PTCHD1: variants seen among roughly 807,000 people sequenced by gnomAD.
The protein encoded by PTCHD1 is patched domain containing 1.
PTCHD1 carries 3 observed loss-of-function variants against 34.6 expected under a neutral mutation model. The observed-to-expected ratio is 0.09, with a 90% confidence interval of 0.04 to 0.22. The LOEUF is 0.22. Ranked by LOEUF, PTCHD1 falls within the 10% of genes least tolerant of loss-of-function variation. PTCHD1 has a pLI of 1.00. For synonymous variants in PTCHD1, 305 were observed against 283.1 expected (o/e 1.08, Z -0.77); for missense variants, 504 against 685.5 (o/e 0.74, Z 2.96).
At chrX:23,357,378 C>A (rs555346565) in intron 1 of PTCHD1, among the ~76,000 whole-genome samples, 2 of 111,470 alleles carry the variant, frequency 1.8e-5, no homozygotes, top group African/African-American at 3.3e-5. Flanking sequence ...TTAAAAAGAC[C>A]GGCAGTACTG....
chrX:23,361,155 T>A (rs1490184414), intron 1 of PTCHD1, among the ~76,000 whole-genome samples: 1 of 111,676 alleles, frequency 9.0e-6, no homozygotes, highest in Non-Finnish European at 1.9e-5. Context: ...TCTGTAGGTG[T>A]CTGTTAGGTC....
At chrX:23,361,220 CATTG>C (rs1921973173) in intron 1 of PTCHD1, among the ~76,000 whole-genome samples, 2 of 111,432 alleles carry the variant, frequency 1.8e-5, no homozygotes, top group Admixed American at 9.5e-5. Context: ...CCTTCTTTCT[CATTG>C]ATCTGTCTAA....
intron 1 of PTCHD1, chrX:23,350,965 A>G: frequency 4.4e-6 from 1 of 226,842 alleles, no homozygotes; most frequent in Non-Finnish European, 7.9e-6. Context: ...ACCAGAGCCT[A>G]CTGGATTCCC....
chrX:23,361,804 T>A (rs1467802695), intron 1 of PTCHD1, among the ~76,000 whole-genome samples: 2 of 112,127 alleles, frequency 1.8e-5, no homozygotes, highest in Non-Finnish European at 3.8e-5. Flanking sequence ...TTCCTTTCCA[T>A]GTTTAGTGCT....
rs982201689 is a variant in PTCHD1 at position 23,397,427 on chromosome X, A to G, written c.*3242A>G. The G allele has an allele frequency of 1.5e-4, 17 of 112,404 alleles. No individual in the cohort carries two copies. Among genetic ancestry groups the G allele is most frequent in the African/African-American group, 5.5e-4 (17 of 30,975 alleles). The allele number at this position is 112,404 out of a possible 1,213,427, so 9.3% of individuals were successfully genotyped here. A position where few individuals can be genotyped will look rare whatever the true frequency, so the allele number is the denominator to read the frequency against. On this transcript the variant is annotated 3_prime_UTR_variant, in exon 3 of 3. Transcript: ENST00000379361. The stretch of plus-strand genomic sequence containing the variant: ...TACAGTTTGTTTCAGAGAAAAAGGA[A>G]GACAAACCCTCGTGAAATGTTTCTC...
At chrX:23,390,534 G>C (rs1207050987) in intron 2 of PTCHD1, among the ~76,000 whole-genome samples, 2 of 111,524 alleles carry the variant, frequency 1.8e-5, no homozygotes, top group African/African-American at 6.5e-5. Context: ...ACAACAGGAT[G>C]CCAGTCAATG....
chrX:23,402,206 A>C lies in PTCHD1; in HGVS notation c.*8021A>C, dbSNP rs890268816. The C allele has an allele frequency of 9.0e-6, 1 of 111,331 alleles. No homozygotes were observed. The highest frequency in any genetic ancestry group is 1.9e-5 in the Non-Finnish European group (1 of 53,053). The allele number at this position is 111,331 out of a possible 1,213,427, so 9.2% of individuals were successfully genotyped here. ...CAAGGAAAGGAAGTGCCATGCATGG[A>C]GGCCTGGTGATAGGCAACATCCATT... is the stretch of plus-strand genomic sequence containing the variant. On this transcript the variant is annotated 3_prime_UTR_variant, in exon 3 of 3. Coordinates refer to ENST00000379361, the MANE Select transcript of PTCHD1 (RefSeq NM_173495.3).
intron 1 of PTCHD1, among the ~76,000 whole-genome samples, chrX:23,357,493 G>C (rs780907259): frequency 3.6e-5 from 4 of 110,946 alleles, no homozygotes; most frequent in East Asian, 2.8e-4. Flanking sequence ...TGCCTACTCT[G>C]TGATCCCAAA....
rs1922957279 is a variant in PTCHD1, at chrX:23,395,218, C to G, written c.*1033C>G. On this transcript the variant is annotated 3_prime_UTR_variant, in exon 3 of 3. Transcript: ENST00000379361. ...GGATATCCAGAAACATCTGCCCACA[C>G]AAAACTGCGGGGAAAAAAAATGAAC... The G allele has an allele frequency of 8.9e-6, 1 of 112,289 alleles. No homozygotes were observed. The highest frequency in any genetic ancestry group is 1.9e-5 in the Non-Finnish European group (1 of 53,272). 9.3% of individuals were successfully genotyped at this position (112,289 alleles called of 1,213,427 possible).
chrX:23,338,006 A>C (rs1298455631), intron 1 of PTCHD1, among the ~76,000 whole-genome samples: 3 of 112,117 alleles, frequency 2.7e-5, no homozygotes, highest in Non-Finnish European at 5.6e-5. Context: ...AGAGTATTAC[A>C]GAAAAATATC....
chrX:23,366,542 C>T lies in PTCHD1; in HGVS notation c.352-13049C>T, dbSNP rs139039549. Among the ~76,000 whole-genome samples, 28 of 111,840 alleles carry T rather than the reference C, an allele frequency of 2.5e-4. No individual in the cohort carries two copies. The East Asian group carries it at 7.0e-3, about 28-fold the overall frequency. On this transcript the variant is annotated intron_variant, in intron 1 of 2. Transcript: ENST00000379361. ...TGAAATACTCTCTCAACCAGTTCCA[C>T]GCCCTGAGCCAAACCTCTGCCCTTA...
At position 23,401,841 on chromosome X, in the gene PTCHD1, C is replaced by G. The variant is rs181078613; in HGVS notation, c.*7656C>G. On this transcript the variant is annotated 3_prime_UTR_variant, in exon 3 of 3. Transcript: ENST00000379361. Reference sequence around the variant, plus strand: ...CAGCTAAGAGCAGCCAAATAGTAAGCTTTAAAGAAAAGAAACCTGGAAAAG... The same window carrying G: ...CAGCTAAGAGCAGCCAAATAGTAAGGTTTAAAGAAAAGAAACCTGGAAAAG... 8.2e-4 allele frequency: 92 copies of G among 112,689 alleles called. No homozygotes were observed. The highest frequency in any genetic ancestry group is 2.9e-3 in the African/African-American group (89 of 31,051). The allele number at this position is 112,689 out of a possible 1,213,427, so 9.3% of individuals were successfully genotyped here. A position where few individuals can be genotyped will look rare whatever the true frequency, so the allele number is the denominator to read the frequency against.
intron 1 of PTCHD1, among the ~76,000 whole-genome samples, chrX:23,354,035 C>A (rs1921728217): frequency 9.0e-6 from 1 of 111,487 alleles, no homozygotes; most frequent in South Asian, 3.8e-4. Flanking sequence ...CCAAGAGATT[C>A]TGATTTAATG....
chrX:23,403,700 G>C lies in PTCHD1; in HGVS notation c.*9515G>C, dbSNP rs1428813975. On this transcript the variant is annotated 3_prime_UTR_variant, in exon 3 of 3. Transcript: ENST00000379361. Reference sequence around the variant, plus strand: ...TTATTTGCAGTATCTACAGGGGAATGGTTCGTGGATATAAACAGAAATGTT... The same window carrying C: ...TTATTTGCAGTATCTACAGGGGAATCGTTCGTGGATATAAACAGAAATGTT... 1.2e-4 allele frequency: 13 copies of C among 111,496 alleles called. No individual in the cohort carries two copies. Among genetic ancestry groups the C allele is most frequent in the African/African-American group, 3.3e-4 (10 of 30,667 alleles). The allele number at this position is 111,496 out of a possible 1,213,427, so 9.2% of individuals were successfully genotyped here.
Position 23,392,967 on chromosome X carries a change from G to A in PTCHD1, c.1449G>A (p.Leu483=). 7.4e-6 allele frequency: 9 copies of A among 1,211,604 alleles called. No individual in the cohort carries two copies. The highest frequency in any genetic ancestry group is 8.9e-6 in the Non-Finnish European group (8 of 895,269). Residue 483 remains leucine, a synonymous_variant, in exon 3 of 3, where the codon TTG becomes TTA. Transcript: ENST00000379361. ...CGAACACTTACGAGAGTCACCTATT[G>A]GTATGTTTCCTCAAACGCTATTACT... is the stretch of plus-strand genomic sequence containing the variant. ...EEANTYESHL[L]VCFLKRYYCD... is the part of the protein sequence containing the mutation.
intron 1 of PTCHD1, among the ~76,000 whole-genome samples, chrX:23,371,009 G>T (rs1163323845): frequency 9.0e-6 from 1 of 111,059 alleles, no homozygotes; most frequent in Non-Finnish European, 1.9e-5. Flanking sequence ...GAGGAGGAGA[G>T]GCAGGAGGGG....
At chrX:23,353,260 G>A (rs1921694026) in intron 1 of PTCHD1, among the ~76,000 whole-genome samples, 1 of 112,432 alleles carries the variant, frequency 8.9e-6, no homozygotes, top group African/African-American at 3.2e-5. Flanking sequence ...ACTAATTTGC[G>A]ACTTCTCATG....
At chrX:23,368,879 A>G (rs142118214) in intron 1 of PTCHD1, among the ~76,000 whole-genome samples, 10,707 of 110,404 alleles carry the variant, frequency 0.097, 1,332 homozygotes, top group African/African-American at 0.34. Context: ...CCTGGCCAAC[A>G]TGGTGAAACC....
At chrX:23,359,866 T>G (rs1207320337) in intron 1 of PTCHD1, among the ~76,000 whole-genome samples, 2 of 112,181 alleles carry the variant, frequency 1.8e-5, no homozygotes, top group South Asian at 7.5e-4. Context: ...GAAGGGCTGT[T>G]GACTTTTGTT....
Sources: allele counts gnomAD v4.1 joint callset (sites outside exome capture counted in the v4.1 genomes callset), GRCh38; gene constraint gnomAD v4.1.1; transcripts MANE v1.5; gene names NCBI Gene and HGNC (gene_info 2026-07-23, HGNC 2026-07-21).